RBPJ: variants seen among roughly 807,000 people sequenced by gnomAD.
The protein encoded by RBPJ is recombining binding protein suppressor of hairless.
RBPJ carries 9 observed loss-of-function variants against 67.8 expected under a neutral mutation model. The ratio of observed to expected loss-of-function variants is 0.13; its 90% confidence interval spans 0.08 to 0.23. The LOEUF (loss-of-function observed/expected upper bound fraction) is 0.23, where lower values mean the gene tolerates loss of function less well. RBPJ is among the 10% of genes least tolerant of loss of function. RBPJ has a pLI of 1.00. For missense variants in RBPJ, 305 were observed against 595.6 expected (o/e 0.51, Z 5.08); for synonymous variants, 198 against 203.3 (o/e 0.97, Z 0.22).
intron 1 of RBPJ, among the ~76,000 whole-genome samples, chr4:26,352,998 A>G (rs1469288027): frequency 6.6e-6 from 1 of 152,222 alleles, no homozygotes; most frequent in East Asian, 1.9e-4. Flanking sequence ...AAGTGTAACA[A>G]TTCCTAAAAA....
chr4:26,301,947 C>A (rs896876759), intron 1 of RBPJ, among the ~76,000 whole-genome samples: 2 of 152,086 alleles, frequency 1.3e-5, no homozygotes, highest in African/African-American at 4.8e-5. Flanking sequence ...TGTGCGCCAC[C>A]AGGCCCAGCT....
At chr4:26,177,396 T>G (rs190455343) in intron 1 of RBPJ, among the ~76,000 whole-genome samples, 424 of 152,200 alleles carry the variant, frequency 2.8e-3, no homozygotes, top group African/African-American at 9.7e-3. Context: ...GGCAACATGG[T>G]GAAACCCCAT....
At chr4:26,138,416 C>T in the RBPJ span, among the ~76,000 whole-genome samples, 4 of 150,708 alleles carry the variant, frequency 2.7e-5, no homozygotes, top group South Asian at 4.2e-4. Flanking sequence ...GGAGAGGATG[C>T]GAAAACCAAG....
intron 1 of RBPJ, among the ~76,000 whole-genome samples, chr4:26,340,470 C>T (rs1362553340): frequency 6.6e-6 from 1 of 152,134 alleles, no homozygotes; most frequent in Non-Finnish European, 1.5e-5. Flanking sequence ...AGAAGGATCT[C>T]TCAAGCAACT....
chr4:26,206,071 A>T (rs1718160436), intron 1 of RBPJ, among the ~76,000 whole-genome samples: 1 of 152,180 alleles, frequency 6.6e-6, no homozygotes, highest in Admixed American at 6.5e-5. Flanking sequence ...ATAATATGGT[A>T]GTCTACGTGA....
chr4:26,247,566 G>A (rs111739800), intron 1 of RBPJ, among the ~76,000 whole-genome samples: 3,926 of 151,990 alleles, frequency 0.026, 91 homozygotes, highest in African/African-American at 0.066. Flanking sequence ...ATGCGCCACC[G>A]CGTCCGGCTA....
chr4:26,156,414 CTTTTT>C, the RBPJ span, among the ~76,000 whole-genome samples: 2 of 93,558 alleles, frequency 2.1e-5, no homozygotes, highest in Non-Finnish European at 4.1e-5. Context: ...TCTTTTCTTT[CTTTTT>C]TTTTTTTTTT....
chr4:26,416,747 G>C lies in RBPJ; in HGVS notation c.321+1107G>C, dbSNP rs542774338. The stretch of plus-strand genomic sequence containing the variant: ...GTTGTAGTTGGCACTAGGTATATGG[G>C]TTGGGAGTAGTGTTGGTGGAGGTGA... On this transcript the variant is annotated intron_variant, in intron 4 of 10. Transcript: ENST00000355476. Among the ~76,000 whole-genome samples the C allele has an allele frequency of 2.6e-5, 4 of 152,282 alleles. No homozygotes were observed. The South Asian group carries it at 6.2e-4, about 24-fold the overall frequency.
At chr4:26,311,086 T>C (rs1340329534) in intron 1 of RBPJ, among the ~76,000 whole-genome samples, 1 of 152,238 alleles carries the variant, frequency 6.6e-6, no homozygotes, top group African/African-American at 2.4e-5. Context: ...ATAACAATTG[T>C]GTTATAGCAC....
At chr4:26,328,223 G>C (rs1723856367) in intron 1 of RBPJ, among the ~76,000 whole-genome samples, 2 of 151,904 alleles carry the variant, frequency 1.3e-5, no homozygotes, top group Non-Finnish European at 2.9e-5. Context: ...GGGGTCCTAA[G>C]ACATGTAGGA....
intron 1 of RBPJ, among the ~76,000 whole-genome samples, chr4:26,183,735 C>T (rs538497289): frequency 1.7e-4 from 26 of 152,208 alleles, no homozygotes; most frequent in East Asian, 7.7e-4. Context: ...TGTAGCCGGG[C>T]GTGGTCGCTC....
In RBPJ at chr4:26,250,277, C is replaced by T. The variant is rs141360720; in HGVS notation, c.-167+86663C>T. On this transcript the variant is annotated intron_variant, in intron 1 of 4. Coordinates refer to the RBPJ transcript ENST00000512351. The stretch of plus-strand genomic sequence containing the variant: ...TTTGTCTCTGGCTTATTTCACTTAG[C>T]CTAATGTTTTCAAGGCTCATACATG... Among the ~76,000 whole-genome samples, 860 of 151,858 alleles carry T rather than the reference C, an allele frequency of 5.7e-3. 6 individuals carry two copies. Among genetic ancestry groups the T allele is most frequent in the Middle Eastern group, 0.014 (4 of 292 alleles).
chr4:26,178,401 C>T lies in RBPJ; in HGVS notation c.-167+14787C>T, dbSNP rs372332226. On this transcript the variant is annotated intron_variant, in intron 1 of 4. Coordinates refer to the RBPJ transcript ENST00000512351. ...CTGTAATCCCAGCACTTTGGGAGGC[C>T]AAGGTGAATTGCTTGAAGCCAGTAG... 3.9e-5 allele frequency among the ~76,000 whole-genome samples: 6 copies of T among 152,040 alleles called. 1 individual carries two copies. In the East Asian group the frequency reaches 5.8e-4, roughly 15 times the overall value.
At chr4:26,422,154 T>C (rs1735203037) in intron 5 of RBPJ, among the ~76,000 whole-genome samples, 1 of 152,182 alleles carries the variant, frequency 6.6e-6, no homozygotes, top group African/African-American at 2.4e-5. Flanking sequence ...TCAGAACTGA[T>C]TGGTAAGATA....
intron 1 of RBPJ, among the ~76,000 whole-genome samples, chr4:26,313,065 G>A (rs1050573733): frequency 6.6e-5 from 10 of 152,162 alleles, no homozygotes; most frequent in Non-Finnish European, 8.8e-5. Context: ...TGGGATTACA[G>A]GCATATGCCA....
At chr4:26,401,339 G>T (rs145663373) in intron 2 of RBPJ, among the ~76,000 whole-genome samples, 4 of 152,190 alleles carry the variant, frequency 2.6e-5, no homozygotes, top group African/African-American at 7.2e-5. Flanking sequence ...GCTAGGCTAC[G>T]CAGATTTGAA....
intron 3 of RBPJ, among the ~76,000 whole-genome samples, chr4:26,413,999 A>G (rs1734297169): frequency 6.6e-6 from 1 of 152,204 alleles, no homozygotes. Context: ...GTATATATAC[A>G]CTAGTGGCTG....
intron 4 of RBPJ, among the ~76,000 whole-genome samples, chr4:26,420,207 T>C (rs556248339): frequency 2.8e-4 from 43 of 152,270 alleles, no homozygotes; most frequent in African/African-American, 1.0e-3. Context: ...TTTTTTTAAC[T>C]GTAAAATTTA....
intron 1 of RBPJ, among the ~76,000 whole-genome samples, chr4:26,378,589 T>C (rs992839489): frequency 1.3e-5 from 2 of 152,212 alleles, no homozygotes; most frequent in Non-Finnish European, 2.9e-5. Context: ...TGGCTGCAGT[T>C]GATGCTGTTA....
Sources: allele counts gnomAD v4.1 joint callset (sites outside exome capture counted in the v4.1 genomes callset), GRCh38; gene constraint gnomAD v4.1.1; transcripts MANE v1.5; gene names NCBI Gene and HGNC (gene_info 2026-07-23, HGNC 2026-07-21).